CRYM: variants seen among roughly 807,000 people sequenced by gnomAD.
CRYM encodes ketimine reductase mu-crystallin.
CRYM carries 18 observed loss-of-function variants against 32.9 expected under a neutral mutation model. That is an observed-to-expected ratio of 0.55 (90% CI 0.38 to 0.81). The LOEUF (loss-of-function observed/expected upper bound fraction) is 0.81. CRYM is among the 30% of genes least tolerant of loss of function. The pLI is 0.00. For synonymous variants in CRYM, 153 were observed against 152.4 expected (o/e 1.00, Z -0.03); for missense variants, 337 against 393.5 (o/e 0.86, Z 1.21).
At chr16:21,258,915 G>T in intron 7 of CRYM, 70 bp from the exon 8 acceptor site, 1 of 1,315,544 alleles carries the variant, frequency 7.6e-7, no homozygotes, top group Non-Finnish European at 1.1e-6. Context: ...AGGCCCCATG[G>T]CTGGAAGTTT....
chr16:21,281,349 C>T (rs1052743760), upstream of CRYM, among the ~76,000 whole-genome samples: 2 of 151,692 alleles, frequency 1.3e-5, no homozygotes, highest in Admixed American at 1.3e-4. Flanking sequence ...CTCAGCCTCT[C>T]AGGTAGCTGG....
chr16:21,292,220 A>G (rs1328658381), intron 1 of CRYM, among the ~76,000 whole-genome samples: 1 of 152,152 alleles, frequency 6.6e-6, no homozygotes. Context: ...ACCAAAAAAG[A>G]GACTTTTCAG....
At chr16:21,265,703 C>T (rs746828386) in intron 5 of CRYM, among the ~76,000 whole-genome samples, 4 of 152,234 alleles carry the variant, frequency 2.6e-5, no homozygotes, top group Non-Finnish European at 4.4e-5. Context: ...ACTTGGCTCT[C>T]GCCGGCTCAT....
chr16:21,258,787 A>G lies in CRYM; in HGVS notation c.939T>C (p.Gly313=). The change falls in exon 8 of 8, where the codon GGT becomes GGC. Residue 313 remains glycine (G), a synonymous_variant. Coordinates refer to ENST00000572914, the MANE Select transcript of CRYM (RefSeq NM_001376256.1). The part of the protein sequence containing the change: ...AKLIYDSWSS[G]K ...AACATCAAGTTCCTTTGTTTTATTT[A>G]CCAGATGACCAGGAATCATAGATGA... is the stretch of plus-strand genomic sequence containing the variant. The G allele has an allele frequency of 1.2e-6, 2 of 1,613,656 alleles. No individual in the cohort carries two copies. Among genetic ancestry groups the G allele is most frequent in the African/African-American group, 1.3e-5 (1 of 75,060 alleles).
At chr16:21,276,126 C>T (rs565903474) in intron 2 of CRYM, among the ~76,000 whole-genome samples, 20 of 152,300 alleles carry the variant, frequency 1.3e-4, no homozygotes, top group South Asian at 4.1e-4. Context: ...CAGGTGATTC[C>T]GATACACAGC....
intron 3 of CRYM, among the ~76,000 whole-genome samples, chr16:21,270,429 G>A (rs1190480232): frequency 6.6e-6 from 1 of 152,002 alleles, no homozygotes; most frequent in Non-Finnish European, 1.5e-5. Context: ...GATTATAGGT[G>A]TGCGCCACAA....
At chr16:21,272,009 C>T (rs1359585527) in intron 3 of CRYM, among the ~76,000 whole-genome samples, 2 of 151,866 alleles carry the variant, frequency 1.3e-5, no homozygotes, top group African/African-American at 4.8e-5. Context: ...CAGGTATGTG[C>T]CACCATACTT....
At chr16:21,267,510 G>A (rs1459895493) in intron 5 of CRYM, 44 bp downstream of exon 5, 1 of 1,600,658 alleles carries the variant, frequency 6.2e-7, no homozygotes, top group Non-Finnish European at 8.6e-7. Context: ...CTAGAGAGGA[G>A]CCTGGCCACC....
chr16:21,260,497 A>G (rs2093352466), intron 7 of CRYM, among the ~76,000 whole-genome samples: 2 of 152,080 alleles, frequency 1.3e-5, no homozygotes, highest in African/African-American at 4.8e-5. Flanking sequence ...ATGGAGTTTC[A>G]CCATGTTGGC....
intron 5 of CRYM, among the ~76,000 whole-genome samples, chr16:21,267,220 C>T (rs2093365547): frequency 6.6e-6 from 1 of 151,840 alleles, no homozygotes; most frequent in Non-Finnish European, 1.5e-5. Flanking sequence ...GCCTCAGCCT[C>T]ATGAGTAGCT....
chr16:21,290,167 A>G lies in CRYM; in HGVS notation c.-192-11207T>C, dbSNP rs116133766. On this transcript the variant is annotated intron_variant, in intron 1 of 9. Coordinates refer to the CRYM transcript ENST00000219599. Reference sequence around the variant, plus strand: ...CAGTGGCAATGTCGGATCCCCTTCCATGCTGTGGGAACTTTTTTCTTTTGC... The same window carrying G: ...CAGTGGCAATGTCGGATCCCCTTCCGTGCTGTGGGAACTTTTTTCTTTTGC... Among the ~76,000 whole-genome samples the G allele has an allele frequency of 8.1e-3, 1,238 of 152,238 alleles. 20 individuals are homozygous for G. Among genetic ancestry groups the G allele is most frequent in the African/African-American group, 0.028 (1,179 of 41,558 alleles).
intron 1 of CRYM, among the ~76,000 whole-genome samples, chr16:21,290,154 CG>C (rs1359967432): frequency 5.3e-5 from 8 of 152,140 alleles, no homozygotes; most frequent in Admixed American, 1.3e-4. Context: ...GTGGCAATGT[CG>C]GATCCCCTTC....
chr16:21,276,743 T>A (rs964114913), intron 2 of CRYM, among the ~76,000 whole-genome samples: 3 of 152,212 alleles, frequency 2.0e-5, no homozygotes, highest in South Asian at 4.1e-4. Flanking sequence ...TCTGGACCTA[T>A]GGACCGTGGA....
At chr16:21,294,706 T>A (rs1960750230) in intron 1 of CRYM, among the ~76,000 whole-genome samples, 1 of 150,860 alleles carries the variant, frequency 6.6e-6, no homozygotes, top group African/African-American at 2.4e-5. Context: ...TTTTTTTTCT[T>A]TTTTTTTTGA....
chr16:21,262,336 G>A (rs2093356131), intron 5 of CRYM, 178 bp from the exon 6 acceptor site: 2 of 681,072 alleles, frequency 2.9e-6, no homozygotes, highest in Non-Finnish European at 4.9e-6. Context: ...TTAAGAAATA[G>A]GCCAGGTGTG....
chr16:21,274,115 A>G (rs767194435), intron 3 of CRYM, among the ~76,000 whole-genome samples: 1 of 152,216 alleles, frequency 6.6e-6, no homozygotes, highest in Non-Finnish European at 1.5e-5. Context: ...CAGTGTCCCA[A>G]GACCTTGTAC....
In CRYM at chr16:21,284,316, G is replaced by T. The variant is rs75405549; in HGVS notation, c.-192-5356C>A. 8.2e-3 allele frequency among the ~76,000 whole-genome samples: 1,242 copies of T among 151,990 alleles called. 18 individuals carry two copies. The highest frequency in any genetic ancestry group is 0.029 in the African/African-American group (1,183 of 41,400). ...TTTTCTTTTTCTTTTTCAGAAAATT[G>T]AGGTAAAATTCAAATAACATAAATT... On this transcript the variant is annotated intron_variant, in intron 1 of 9. Transcript: ENST00000219599.
At chr16:21,273,430 G>A (rs1389385242) in intron 3 of CRYM, among the ~76,000 whole-genome samples, 1 of 152,136 alleles carries the variant, frequency 6.6e-6, no homozygotes, top group Admixed American at 6.5e-5. Flanking sequence ...TCAACCCAAG[G>A]CTTCTTGATT....
chr16:21,293,969 A>T (rs1373510163), intron 1 of CRYM, among the ~76,000 whole-genome samples: 1 of 152,228 alleles, frequency 6.6e-6, no homozygotes, highest in Admixed American at 6.5e-5. Context: ...AAGCAGAGGG[A>T]AATAGTAACT....
Sources: allele counts gnomAD v4.1 joint callset (sites outside exome capture counted in the v4.1 genomes callset), GRCh38; gene constraint gnomAD v4.1.1; transcripts MANE v1.5; gene names NCBI Gene and HGNC (gene_info 2026-07-23, HGNC 2026-07-21).